The following RBM23 variants were observed in gnomAD, a reference collection of about 807,000 sequenced individuals.
RBM23 encodes the protein probable RNA-binding protein 23.
In RBM23, 53 loss-of-function variants were observed where a neutral mutation model predicts 56.2. That is an observed-to-expected ratio of 0.94 (90% confidence interval 0.76 to 1.19). RBM23 has a LOEUF of 1.19. Among genes scored for constraint, RBM23 ranks in the 50% most tolerant of loss-of-function variants. The pLI is 0.00. For missense variants in RBM23, 642 were observed against 590.3 expected, an observed-to-expected ratio of 1.09 and a Z score of -0.91; for synonymous variants, 197 against 198.5, an observed-to-expected ratio of 0.99 and a Z score of 0.06.
intron 2 of RBM23, among the ~76,000 whole-genome samples, chr14:22,911,014 GA>G (rs1017038311): frequency 2.7e-5 from 4 of 147,296 alleles, no homozygotes; most frequent in Admixed American, 6.8e-5. Flanking sequence ...TGTCTCAAAA[GA>G]AAAAAAAAAG....
At chr14:22,904,227 G>A (rs763566291) in intron 10 of RBM23, 34 bp downstream of exon 10, 18 of 1,613,758 alleles carry the variant, frequency 1.1e-5, no homozygotes, top group Non-Finnish European at 1.4e-5. Flanking sequence ...CAAACCCAAA[G>A]TAAAATAAAA....
Position 22,908,389 on chromosome 14 carries a change from G to C in RBM23, c.180-9C>G. The C allele has an allele frequency of 6.5e-7, 1 of 1,546,216 alleles. No homozygotes were observed. The highest frequency in any genetic ancestry group is 8.7e-7 in the Non-Finnish European group (1 of 1,146,006). The stretch of plus-strand genomic sequence containing the variant: ...TCCGACTCCTCTTCTTCCTGTGAAA[G>C]AGAGTACATTCTTCTTTTTTTTTTT... On this transcript the variant is annotated splice_polypyrimidine_tract_variant and intron_variant, in intron 3 of 13. Transcript: ENST00000359890.
At chr14:22,914,919 G>A (rs562334763) in intron 1 of RBM23, among the ~76,000 whole-genome samples, 1 of 144,462 alleles carries the variant, frequency 6.9e-6, no homozygotes, top group South Asian at 2.3e-4. Flanking sequence ...GGAGGCAGAG[G>A]TTGCAGTGAG....
intron 2 of RBM23, among the ~76,000 whole-genome samples, chr14:22,910,493 C>G (rs1437626110): frequency 1.4e-3 from 155 of 113,608 alleles, no homozygotes; most frequent in Middle Eastern, 5.2e-3. Context: ...AAAAAGAAAG[C>G]GGTGGGGGGG....
rs999855320 is a variant in RBM23, at chr14:22,894,937, G to A, written c.*6793C>T. 1 of 151,872 alleles carries A rather than the reference G, an allele frequency of 6.6e-6. No homozygotes were observed. The highest frequency in any genetic ancestry group is 2.4e-5 in the African/African-American group (1 of 41,310). The allele number at this position is 151,872 out of a possible 1,614,324, so 9.4% of individuals were successfully genotyped here. A position where few individuals can be genotyped will look rare whatever the true frequency, so the allele number is the denominator to read the frequency against. On this transcript the variant is annotated 3_prime_UTR_variant, in exon 14 of 14. Transcript: ENST00000359890. ...TGCCTGTAGTCCCAGCTACTTGGGA[G>A]GCTGAGGCAGGAGAATGGCATGAAC...
intron 1 of RBM23, among the ~76,000 whole-genome samples, chr14:22,918,419 T>C (rs34917191): frequency 0.57 from 85,882 of 151,602 alleles, 25,248 homozygotes; most frequent in East Asian, 0.79. Context: ...AGAGGTCCTA[T>C]AGGCAACCAA....
intron 4 of RBM23, among the ~76,000 whole-genome samples, chr14:22,906,989 C>T (rs1467889858): frequency 6.6e-6 from 1 of 152,152 alleles, no homozygotes; most frequent in Non-Finnish European, 1.5e-5. Context: ...GTCTGGCCAA[C>T]ATGGTGAAAC....
chr14:22,913,001 A>C (rs2042830853), intron 1 of RBM23, among the ~76,000 whole-genome samples: 4 of 46,522 alleles, frequency 8.6e-5, no homozygotes, highest in South Asian at 1.6e-3. Context: ...TCAGTCTCAA[A>C]AAAAAAAAAA....
Position 22,902,377 on chromosome 14 carries a change from A to T in RBM23, c.936T>A (p.Ser312=). ...RSKGYGFITF[S]DSECARRALE... ...GGGCCCGCCGGGCACACTCAGAATCAGAGAACTATGAGAAACCCAGGCCAT... is the reference window on the plus strand; with the variant it reads ...GGGCCCGCCGGGCACACTCAGAATCTGAGAACTATGAGAAACCCAGGCCAT... The change falls in exon 11 of 14, where the codon TCT becomes TCA. Residue 312 remains serine (S), a synonymous_variant. Coordinates refer to ENST00000359890, the MANE Select transcript of RBM23 (RefSeq NM_001077351.2). 6.2e-7 allele frequency: 1 copy of T among 1,610,990 alleles called. No homozygotes were observed. The highest frequency in any genetic ancestry group is 8.5e-7 in the Non-Finnish European group (1 of 1,177,364).
intron 1 of RBM23, among the ~76,000 whole-genome samples, chr14:22,912,860 C>T (rs993702931): frequency 6.6e-6 from 1 of 151,624 alleles, no homozygotes; most frequent in East Asian, 1.9e-4. Context: ...ATTAGCTGGA[C>T]GTGGTGGCAC....
chr14:22,913,176 A>G (rs968060485), intron 1 of RBM23, among the ~76,000 whole-genome samples: 17 of 151,676 alleles, frequency 1.1e-4, no homozygotes, highest in Non-Finnish European at 2.1e-4. Context: ...GCACTTTGGG[A>G]GGCCGAGGCG....
Position 22,895,912 on chromosome 14 carries a change from A to G in RBM23, c.*5818T>C, listed in dbSNP as rs534156168. On this transcript the variant is annotated 3_prime_UTR_variant, in exon 14 of 14. Coordinates refer to ENST00000359890, the MANE Select transcript of RBM23 (RefSeq NM_001077351.2). The stretch of plus-strand genomic sequence containing the variant: ...ATCTGGTTAAAATCTAACTATGTGG[A>G]CAGAGCCTCAAGCATAAAGAGATTG... 6.6e-6 allele frequency: 1 copy of G among 152,340 alleles called. No homozygotes were observed. Among genetic ancestry groups the G allele is most frequent in the African/African-American group, 2.4e-5 (1 of 41,570 alleles). 9.4% of individuals were successfully genotyped at this position (152,340 alleles called of 1,614,324 possible). A position where few individuals can be genotyped will look rare whatever the true frequency, so the allele number is the denominator to read the frequency against.
intron 4 of RBM23, among the ~76,000 whole-genome samples, chr14:22,907,415 A>G (rs1485427733): frequency 6.6e-6 from 1 of 152,216 alleles, no homozygotes; most frequent in East Asian, 1.9e-4. Context: ...ACAATAATCT[A>G]TTATACATTT....
In RBM23 at chr14:22,901,859, G is replaced by A. The variant is rs746092597; in HGVS notation, c.1271C>T (p.Ala424Val). 1.1e-5 allele frequency: 18 copies of A among 1,614,082 alleles called. No individual in the cohort carries two copies. The highest frequency in any genetic ancestry group is 1.4e-5 in the Non-Finnish European group (16 of 1,180,026). Residue 424 changes from alanine to valine, a missense_variant, in exon 13 of 14, where the codon GCC becomes GTC. Ala to Val is a moderately conservative substitution (Grantham distance 64). Coordinates refer to ENST00000359890, the MANE Select transcript of RBM23 (RefSeq NM_001077351.2). ...LTALSPALNLASQCFQLSSLF... is the reference protein window; with the variant it reads ...LTALSPALNLVSQCFQLSSLF... Reference sequence around the variant, plus strand: ...GCTGGAGAGCTGGAAACACTGGGAGGCAAGGTTCAGGGCTGGACTCAGAGC... The same window carrying A: ...GCTGGAGAGCTGGAAACACTGGGAGACAAGGTTCAGGGCTGGACTCAGAGC...
At chr14:22,903,177 C>G (rs1042356766) in intron 10 of RBM23, 1 of 985,424 alleles carries the variant, frequency 1.0e-6, no homozygotes, top group Non-Finnish European at 1.2e-6. Context: ...CCCACACCCC[C>G]ACATACACAC....
chr14:22,904,794 C>G lies in RBM23; in HGVS notation c.864+81G>C, dbSNP rs200022581. The G allele has an allele frequency of 1.5e-4, 241 of 1,580,176 alleles. 1 individual carries two copies. In the East Asian group the frequency reaches 4.6e-3, roughly 30 times the overall value. On this transcript the variant is annotated intron_variant, in intron 9 of 13. Transcript: ENST00000359890. The stretch of plus-strand genomic sequence containing the variant: ...ATGCAGCAGGTTAATCACGGCCAGG[C>G]ACAACAGAGAAGTACACTCAAACAC...
Position 22,904,950 on chromosome 14 carries a change from C to T in RBM23, c.789G>A (p.Met263Ile), listed in dbSNP as rs769339223. ...AGTGCAGGGAACCCACATAGAGGCGCATTGGTCCACCATTGCCCTTTTGCA... is the reference window on the plus strand; with the variant it reads ...AGTGCAGGGAACCCACATAGAGGCGTATTGGTCCACCATTGCCCTTTTGCA... The part of the protein sequence containing the change: ...NNLQKGNGGP[M>I]RLYVGSLHFN... Residue 263 changes from methionine to isoleucine, a missense_variant, in exon 9 of 14, where the codon ATG (methionine) becomes ATA (isoleucine). By Grantham distance (10) the Met-to-Ile change is conservative. Coordinates refer to ENST00000359890, the MANE Select transcript of RBM23 (RefSeq NM_001077351.2). 42 of 1,614,250 alleles carry T rather than the reference C, an allele frequency of 2.6e-5. No homozygotes were observed. The highest frequency in any genetic ancestry group is 6.6e-5 in the South Asian group (6 of 91,086).
intron 4 of RBM23, among the ~76,000 whole-genome samples, chr14:22,907,980 A>G (rs2041856002): frequency 1.3e-5 from 2 of 152,162 alleles, no homozygotes; most frequent in African/African-American, 4.8e-5. Flanking sequence ...AGAGTTGTAC[A>G]ATGTGTTTGT....
chr14:22,918,165 C>T (rs1291027983), intron 1 of RBM23, among the ~76,000 whole-genome samples: 1 of 152,120 alleles, frequency 6.6e-6, no homozygotes, highest in African/African-American at 2.4e-5. Flanking sequence ...GAGGCCGAGG[C>T]GGGTGGATCA....
Sources: gnomAD v4.1 joint callset for allele counts (sites outside exome capture counted in the v4.1 genomes callset) on GRCh38, gnomAD v4.1.1 for gene constraint, MANE v1.5 for transcripts, NCBI Gene and HGNC (gene_info 2026-07-23, HGNC 2026-07-21) for gene names.